Variants in ELAVL2 observed in about 807,000 individuals in gnomAD.
ELAVL2 encodes the protein ELAV-like protein 2.
A neutral mutation model predicts 34.6 loss-of-function variants in ELAVL2; 4 were observed. The ratio of observed to expected loss-of-function variants is 0.12; its 90% CI spans 0.06 to 0.26. The LOEUF is 0.26. Among genes scored for constraint, ELAVL2 ranks in the 10% least tolerant of loss-of-function variants. ELAVL2 has a pLI of 1.00. For synonymous variants in ELAVL2, 193 were observed against 154.8 expected, an observed-to-expected ratio of 1.25 and a Z score of -1.83; for missense variants, 432 against 442.8, an observed-to-expected ratio of 0.98 and a Z score of 0.22.
chr9:23,800,708 T>C (rs911513940), intron 1 of ELAVL2, among the ~76,000 whole-genome samples: 2 of 152,222 alleles, frequency 1.3e-5, no homozygotes, highest in African/African-American at 4.8e-5. Flanking sequence ...AAATTTGACT[T>C]ACTTAAAATA....
At position 23,762,106 on chromosome 9, in the gene ELAVL2, G is replaced by A. The variant is rs141278970; in HGVS notation, c.129C>T (p.Val43=). 56 of 1,613,426 alleles carry A rather than the reference G, an allele frequency of 3.5e-5. No individual in the cohort carries two copies. Among genetic ancestry groups the A allele is most frequent in the Non-Finnish European group, 4.5e-5 (53 of 1,179,646 alleles). Residue 43 remains valine, a synonymous_variant, in exon 2 of 7, where the codon GTC becomes GTT. Coordinates refer to ENST00000397312, the MANE Select transcript of ELAVL2 (RefSeq NM_004432.5). ...NTEDSKTNLI[V]NYLPQNMTQE... is the part of the protein sequence containing the mutation. ...GTGTCATGTTCTGAGGAAGGTAGTTGACTATTAAGTTGGTCTTGCTGTCTT... is the reference window on the plus strand; with the variant it reads ...GTGTCATGTTCTGAGGAAGGTAGTTAACTATTAAGTTGGTCTTGCTGTCTT...
chr9:23,798,925 C>A (rs557759852), intron 1 of ELAVL2, among the ~76,000 whole-genome samples: 1 of 152,282 alleles, frequency 6.6e-6, no homozygotes, highest in Admixed American at 6.5e-5. Context: ...TAATAGGCAT[C>A]ATTTAATCAA....
chr9:23,755,687 G>A (rs923109364), intron 2 of ELAVL2, among the ~76,000 whole-genome samples: 7 of 152,136 alleles, frequency 4.6e-5, no homozygotes, highest in Admixed American at 3.3e-4. Flanking sequence ...AACGCACTGC[G>A]GACCAAAGCA....
intron 1 of ELAVL2, among the ~76,000 whole-genome samples, chr9:23,788,915 G>A (rs1309351038): frequency 1.3e-5 from 2 of 152,176 alleles, no homozygotes; most frequent in Non-Finnish European, 2.9e-5. Context: ...AATTGTTTAT[G>A]CCTGGAATTT....
chr9:23,743,765 A>C (rs1362259783), intron 2 of ELAVL2, among the ~76,000 whole-genome samples: 1 of 152,162 alleles, frequency 6.6e-6, no homozygotes, highest in Non-Finnish European at 1.5e-5. Context: ...TTATTCAACA[A>C]CACTTCAATT....
At chr9:23,729,574 T>C (rs945689541) in intron 3 of ELAVL2, among the ~76,000 whole-genome samples, 1 of 152,144 alleles carries the variant, frequency 6.6e-6, no homozygotes, top group East Asian at 1.9e-4. Flanking sequence ...GGAAATCTCA[T>C]TTTTCCCTTC....
intron 1 of ELAVL2, among the ~76,000 whole-genome samples, chr9:23,789,037 G>T (rs1408195571): frequency 1.3e-5 from 2 of 152,134 alleles, no homozygotes; most frequent in African/African-American, 4.8e-5. Context: ...AGAGACCAAC[G>T]GCTTCTGTAT....
chr9:23,741,836 T>G (rs1373335646), intron 2 of ELAVL2, among the ~76,000 whole-genome samples: 2 of 152,184 alleles, frequency 1.3e-5, no homozygotes, highest in African/African-American at 4.8e-5. Context: ...TTTAGAATAC[T>G]AGTTTGCCAT....
chr9:23,798,243 G>C (rs1236363654), intron 1 of ELAVL2, among the ~76,000 whole-genome samples: 1 of 152,176 alleles, frequency 6.6e-6, no homozygotes, highest in African/African-American at 2.4e-5. Flanking sequence ...CAAAAAGGTC[G>C]CAACAGCAAA....
intron 2 of ELAVL2, among the ~76,000 whole-genome samples, chr9:23,758,834 T>C (rs2054197436): frequency 6.6e-6 from 1 of 152,020 alleles, no homozygotes; most frequent in African/African-American, 2.4e-5. Flanking sequence ...GGATCTTAAA[T>C]AAAGAACTAC....
At chr9:23,781,870 G>C (rs1041147064) in intron 1 of ELAVL2, among the ~76,000 whole-genome samples, 4 of 152,008 alleles carry the variant, frequency 2.6e-5, no homozygotes, top group African/African-American at 9.7e-5. Context: ...ATTTTTAGTA[G>C]AGACGGGGTT....
chr9:23,790,714 C>G (rs918835399), intron 1 of ELAVL2, among the ~76,000 whole-genome samples: 1 of 152,188 alleles, frequency 6.6e-6, no homozygotes, highest in South Asian at 2.1e-4. Flanking sequence ...CATCCCAGAG[C>G]TTTAATTTTA....
intron 1 of ELAVL2, among the ~76,000 whole-genome samples, chr9:23,822,488 T>C (rs2064945329): frequency 6.6e-6 from 1 of 152,074 alleles, no homozygotes; most frequent in Non-Finnish European, 1.5e-5. Context: ...TGGCCAACTC[T>C]TCACCGAGGG....
At chr9:23,728,861 A>G (rs2045883946) in intron 3 of ELAVL2, among the ~76,000 whole-genome samples, 1 of 152,136 alleles carries the variant, frequency 6.6e-6, no homozygotes, top group Admixed American at 6.6e-5. Flanking sequence ...TGAGGATGCC[A>G]GCTGTTATCT....
chr9:23,757,234 C>T (rs185199669), intron 2 of ELAVL2, among the ~76,000 whole-genome samples: 1 of 152,264 alleles, frequency 6.6e-6, no homozygotes, highest in Non-Finnish European at 1.5e-5. Flanking sequence ...GACACACTCG[C>T]CAGAAGATGC....
intron 1 of ELAVL2, among the ~76,000 whole-genome samples, chr9:23,811,275 T>C (rs1256127780): frequency 2.0e-5 from 3 of 150,760 alleles, no homozygotes; most frequent in Admixed American, 2.0e-4. Flanking sequence ...GGAATGAGCC[T>C]CTCCACTAAA....
intron 1 of ELAVL2, among the ~76,000 whole-genome samples, chr9:23,820,755 C>T (rs1403174743): frequency 6.6e-6 from 1 of 152,218 alleles, no homozygotes. Flanking sequence ...CCGGCCGCCG[C>T]TGGCAGGCCC....
chr9:23,718,086 T>TTCCATATAATA (rs1334076425), intron 3 of ELAVL2, among the ~76,000 whole-genome samples: 1 of 152,174 alleles, frequency 6.6e-6, no homozygotes, highest in Non-Finnish European at 1.5e-5. Flanking sequence ...CTTGTTATGG[T>TTCCATATAATA]TCCATATAAT....
intron 1 of ELAVL2, among the ~76,000 whole-genome samples, chr9:23,795,089 TA>T (rs933550481): frequency 6.6e-6 from 1 of 152,096 alleles, no homozygotes; most frequent in African/African-American, 2.4e-5. Context: ...CTTCAGACAT[TA>T]AAAAACACAT....
Sources: allele counts gnomAD v4.1 joint callset (sites outside exome capture counted in the v4.1 genomes callset), GRCh38; gene constraint gnomAD v4.1.1; transcripts MANE v1.5; gene names NCBI Gene and HGNC (gene_info 2026-07-23, HGNC 2026-07-21).